SCHIP1: variants seen among roughly 807,000 people sequenced by gnomAD.
SCHIP1 encodes the protein schwannomin interacting protein 1.
SCHIP1 carries 8 observed loss-of-function variants against 29.7 expected under a neutral mutation model. The ratio of observed to expected loss-of-function variants is 0.27; its 90% CI spans 0.16 to 0.49. The LOEUF (loss-of-function observed/expected upper bound fraction) is 0.49, where lower values mean the gene tolerates loss of function less well. Among genes scored for constraint, SCHIP1 ranks in the 20% least tolerant of loss-of-function variants. SCHIP1 has a pLI of 0.99. For missense variants in SCHIP1, 193 were observed against 294.6 expected (o/e 0.66, Z 2.52); for synonymous variants, 76 against 94.9 (o/e 0.80, Z 1.16).
At chr3:159,517,754 C>T in the SCHIP1 span, among the ~76,000 whole-genome samples, 1 of 151,898 alleles carries the variant, frequency 6.6e-6, no homozygotes, top group Non-Finnish European at 1.5e-5. Flanking sequence ...CTAAAACCTT[C>T]TTAATGGTTT....
chr3:159,681,650 C>G, the SCHIP1 span, among the ~76,000 whole-genome samples: 1 of 152,124 alleles, frequency 6.6e-6, no homozygotes, highest in Admixed American at 6.6e-5. Flanking sequence ...ACTTATGTAC[C>G]ACAGAGTTTA....
At chr3:159,297,137 T>A in the SCHIP1 span, among the ~76,000 whole-genome samples, 5 of 140,020 alleles carry the variant, frequency 3.6e-5, no homozygotes, top group Admixed American at 6.8e-5. Flanking sequence ...TGTGTGTGTG[T>A]GTGTGTGTGT....
chr3:159,273,842 G>A, the SCHIP1 span: 2 of 1,613,576 alleles, frequency 1.2e-6, no homozygotes, highest in South Asian at 1.1e-5. Flanking sequence ...CGGGCAGCGT[G>A]TTACAACGTG....
intron 1 of SCHIP1, among the ~76,000 whole-genome samples, chr3:159,849,085 G>A (rs1024675098): frequency 3.3e-5 from 5 of 152,102 alleles, no homozygotes; most frequent in Non-Finnish European, 5.9e-5. Flanking sequence ...AGGTAGAGGA[G>A]TGGAATGGTC....
At chr3:159,860,965 C>T (rs909780148) in intron 1 of SCHIP1, among the ~76,000 whole-genome samples, 4 of 152,118 alleles carry the variant, frequency 2.6e-5, no homozygotes, top group Non-Finnish European at 5.9e-5. Context: ...AAGGAAGCAG[C>T]TGTTTGTTGT....
the SCHIP1 span, among the ~76,000 whole-genome samples, chr3:159,505,220 A>G: frequency 6.6e-6 from 1 of 152,182 alleles, no homozygotes; most frequent in Non-Finnish European, 1.5e-5. Context: ...GAACACTCAA[A>G]ATTATTGAAT....
At chr3:159,389,897 G>A in the SCHIP1 span, among the ~76,000 whole-genome samples, 1 of 151,936 alleles carries the variant, frequency 6.6e-6, no homozygotes, top group African/African-American at 2.4e-5. Context: ...TAATGCAAAT[G>A]ATTCCTGTTC....
chr3:159,704,372 T>C, the SCHIP1 span, among the ~76,000 whole-genome samples: 2 of 144,736 alleles, frequency 1.4e-5, no homozygotes, highest in Non-Finnish European at 3.0e-5. Flanking sequence ...GAGGCGGAGG[T>C]TGTAGTGAGC....
At chr3:159,741,294 T>TA in the SCHIP1 span, among the ~76,000 whole-genome samples, 1 of 152,180 alleles carries the variant, frequency 6.6e-6, no homozygotes. Flanking sequence ...TCCTTAAAAT[T>TA]AAAAAAAGGA....
At chr3:159,399,084 C>T in the SCHIP1 span, 19 of 255,870 alleles carry the variant, frequency 7.4e-5, no homozygotes, top group Non-Finnish European at 1.2e-4. Context: ...CTCCAAAACA[C>T]CAGGCACACT....
intron 6 of SCHIP1, among the ~76,000 whole-genome samples, chr3:159,895,585 C>T (rs1717981880): frequency 6.6e-6 from 1 of 152,158 alleles, no homozygotes; most frequent in Non-Finnish European, 1.5e-5. Context: ...TGGCCACACT[C>T]CTCCCCCTCT....
chr3:159,410,016 T>C, the SCHIP1 span, among the ~76,000 whole-genome samples: 1 of 151,894 alleles, frequency 6.6e-6, no homozygotes, highest in Non-Finnish European at 1.5e-5. Flanking sequence ...CCAAAACATA[T>C]GTTGGAGAAA....
chr3:159,667,273 G>A, the SCHIP1 span, among the ~76,000 whole-genome samples: 1 of 152,192 alleles, frequency 6.6e-6, no homozygotes, highest in African/African-American at 2.4e-5. Flanking sequence ...GGAATCCTGA[G>A]ATGACCAGCC....
the SCHIP1 span, among the ~76,000 whole-genome samples, chr3:159,501,108 G>T: frequency 2.1e-4 from 32 of 152,294 alleles, 1 homozygote; most frequent in African/African-American, 7.5e-4. Flanking sequence ...CTAGGGCTAG[G>T]ACAAAGTGAT....
chr3:159,892,395 C>G (rs187467526), intron 6 of SCHIP1: 334 of 621,274 alleles, frequency 5.4e-4, no homozygotes, highest in Non-Finnish European at 2.5e-4. Context: ...AACCATCCCC[C>G]CCTTGTGATG....
At chr3:159,557,939 G>T in the SCHIP1 span, among the ~76,000 whole-genome samples, 10 of 152,206 alleles carry the variant, frequency 6.6e-5, no homozygotes, top group Admixed American at 5.9e-4. Context: ...AAAGTATAAG[G>T]ACGCAGTTCC....
the SCHIP1 span, among the ~76,000 whole-genome samples, chr3:159,354,101 C>T: frequency 6.6e-6 from 1 of 152,216 alleles, no homozygotes; most frequent in Non-Finnish European, 1.5e-5. Flanking sequence ...AAGTTCTAAA[C>T]AATAACAACA....
the SCHIP1 span, among the ~76,000 whole-genome samples, chr3:159,635,374 C>A: frequency 6.6e-6 from 1 of 152,122 alleles, no homozygotes; most frequent in African/African-American, 2.4e-5. Context: ...AACGATGGTG[C>A]TTGGGAGGCC....
the SCHIP1 span, among the ~76,000 whole-genome samples, chr3:159,358,253 C>T: frequency 2.0e-5 from 3 of 152,108 alleles, no homozygotes; most frequent in Non-Finnish European, 4.4e-5. Flanking sequence ...CCAGTGTCTT[C>T]GATTATCCCC....
Sources: gnomAD v4.1 joint callset for allele counts (sites outside exome capture counted in the v4.1 genomes callset) on GRCh38, gnomAD v4.1.1 for gene constraint, MANE v1.5 for transcripts, NCBI Gene and HGNC (gene_info 2026-07-23, HGNC 2026-07-21) for gene names.